Variants in SLC12A3 observed in about 807,000 individuals in gnomAD.
SLC12A3 encodes the protein solute carrier family 12 member 3, also known as Na-Cl cotransporter.
SLC12A3 carries 104 observed loss-of-function variants against 121.0 expected under a neutral mutation model. That is an observed-to-expected ratio of 0.86 (90% CI 0.73 to 1.01). The LOEUF (loss-of-function observed/expected upper bound fraction) is 1.01, where lower values mean the gene tolerates loss of function less well. Among genes scored for constraint, SLC12A3 ranks in the 50% least tolerant of loss-of-function variants. The probability of loss-of-function intolerance (pLI) is 0.00; values close to 1 mark genes in which losing one functional copy is unlikely to be tolerated. For synonymous variants in SLC12A3, 536 were observed against 533.4 expected (o/e 1.00, Z -0.07); for missense variants, 1,328 against 1,356.3 (o/e 0.98, Z 0.33).
chr16:56,895,168 T>A (rs747779868), intron 22 of SLC12A3, among the ~76,000 whole-genome samples: 2 of 149,486 alleles, frequency 1.3e-5, no homozygotes, highest in African/African-American at 2.5e-5. Flanking sequence ...CCTGTCTCTA[T>A]GTTTTAAATT....
chr16:56,866,304 T>C (rs115303345), intron 1 of SLC12A3, among the ~76,000 whole-genome samples: 2,060 of 152,270 alleles, frequency 0.014, 44 homozygotes, highest in African/African-American at 0.046. Flanking sequence ...TTCTTGATTC[T>C]GAGGCTAAGA....
At chr16:56,880,076 G>A in intron 11 of SLC12A3, 54 bp from the exon 12 acceptor site, 1 of 1,593,796 alleles carries the variant, frequency 6.3e-7, no homozygotes, top group South Asian at 1.1e-5. Flanking sequence ...GGCCCCAGGG[G>A]AGGGGAAGTG....
chr16:56,876,446 C>T (rs1280662096), intron 8 of SLC12A3, among the ~76,000 whole-genome samples: 1 of 152,172 alleles, frequency 6.6e-6, no homozygotes, highest in Non-Finnish European at 1.5e-5. Context: ...ACAGGTTTGC[C>T]GGGCAGGGCT....
intron 16 of SLC12A3, among the ~76,000 whole-genome samples, 197 bp from the exon 17 acceptor site, chr16:56,886,756 C>G (rs2055317929): frequency 6.6e-6 from 1 of 152,140 alleles, no homozygotes; most frequent in Non-Finnish European, 1.5e-5. Context: ...GCTGCCCTGC[C>G]TCTTTTCTGC....
intron 20 of SLC12A3, 81 bp downstream of exon 20, chr16:56,892,214 G>A: frequency 1.5e-6 from 2 of 1,343,618 alleles, no homozygotes; most frequent in South Asian, 1.2e-5. Flanking sequence ...GGTGGCTAGG[G>A]GTGGGCCACT....
At chr16:56,913,010 G>T (rs745422791) in intron 25 of SLC12A3, among the ~76,000 whole-genome samples, 86 of 152,328 alleles carry the variant, frequency 5.6e-4, no homozygotes, top group Non-Finnish European at 4.7e-4. Context: ...GGTGGGAGGA[G>T]GTGAGGTCGT....
intron 5 of SLC12A3, 80 bp downstream of exon 5, chr16:56,870,315 C>T: frequency 6.9e-7 from 1 of 1,457,498 alleles, no homozygotes; most frequent in Non-Finnish European, 9.3e-7. Context: ...TGGGCTGGGG[C>T]CTCCTGCTGC....
intron 15 of SLC12A3, 138 bp downstream of exon 15, chr16:56,885,502 C>A: frequency 1.4e-6 from 1 of 701,506 alleles, no homozygotes; most frequent in Non-Finnish European, 2.6e-6. Flanking sequence ...AGGGAACAGA[C>A]ATGGAGGAGC....
intron 1 of SLC12A3, 48 bp downstream of exon 1, chr16:56,865,565 G>T: frequency 1.3e-6 from 2 of 1,586,876 alleles, no homozygotes; most frequent in South Asian, 1.1e-5. Flanking sequence ...GTGTGACCTC[G>T]ACCCAGCTAC....
intron 5 of SLC12A3, 106 bp downstream of exon 5, chr16:56,870,341 C>T: frequency 8.2e-7 from 1 of 1,218,878 alleles, no homozygotes; most frequent in Non-Finnish European, 1.1e-6. Flanking sequence ...CTGACTTCAC[C>T]CATCAGGAAC....
chr16:56,869,597 G>T (rs766978235), intron 3 of SLC12A3, 132 bp from the exon 4 acceptor site: 4 of 766,700 alleles, frequency 5.2e-6, no homozygotes, highest in African/African-American at 1.7e-5. Flanking sequence ...AAGTGACAGA[G>T]ACCCATTTTT....
chr16:56,875,704 G>T (rs1377598214), intron 8 of SLC12A3, among the ~76,000 whole-genome samples: 1 of 151,988 alleles, frequency 6.6e-6, no homozygotes, highest in Non-Finnish European at 1.5e-5. Flanking sequence ...GGGAAACTGA[G>T]GCTCAGGGAT....
At chr16:56,899,490 A>G in intron 22 of SLC12A3, 40 bp from the exon 23 acceptor site, 2 of 1,508,534 alleles carry the variant, frequency 1.3e-6, no homozygotes, top group Non-Finnish European at 9.2e-7. Context: ...CGCTGTCTCA[A>G]GAAAAAGTAA....
At chr16:56,879,778 A>T (rs1326464680) in intron 11 of SLC12A3, 129 bp downstream of exon 11, 2 of 724,382 alleles carry the variant, frequency 2.8e-6, no homozygotes, top group African/African-American at 3.5e-5. Context: ...TCTAGCCAGA[A>T]GGGAAAAGGA....
At chr16:56,909,767 G>A (rs77524692) in intron 25 of SLC12A3, among the ~76,000 whole-genome samples, 9,843 of 151,852 alleles carry the variant, frequency 0.065, 1,009 homozygotes, top group African/African-American at 0.22. Flanking sequence ...CCAGGCTCTA[G>A]GGTGGAGCCC....
chr16:56,880,099 C>T lies in SLC12A3; in HGVS notation c.1444-31C>T, dbSNP rs181454960. 10,733 of 1,598,166 alleles carry T rather than the reference C, an allele frequency of 6.7e-3. 61 individuals are homozygous for T. Among genetic ancestry groups the T allele is most frequent in the Middle Eastern group, 0.01 (61 of 6,016 alleles). ...GGGAGGGGAAGTGGCAGGTCCCAGC[C>T]TAAGGGTGAGTGCGGCATCTGGTGC... On this transcript the variant is annotated intron_variant, in intron 11 of 25. Coordinates refer to ENST00000563236, the MANE Select transcript of SLC12A3 (RefSeq NM_001126108.2).
At chr16:56,873,448 A>G (rs1351676599) in intron 8 of SLC12A3, among the ~76,000 whole-genome samples, 4 of 121,010 alleles carry the variant, frequency 3.3e-5, no homozygotes, top group Non-Finnish European at 6.3e-5. Context: ...GTGCAATGGC[A>G]TGATCTTGGC....
chr16:56,868,997 A>G (rs1664488200), intron 3 of SLC12A3, among the ~76,000 whole-genome samples: 2 of 151,890 alleles, frequency 1.3e-5, no homozygotes, highest in Non-Finnish European at 2.9e-5. Flanking sequence ...AATAAAAAAG[A>G]AAGCTGCATT....
rs751690454 is a variant in SLC12A3 at position 56,869,819 on chromosome 16, A to G, written c.596A>G (p.Lys199Arg). ...ISAISTNGKV[K>R]SGGTYFLISR... Reference sequence around the variant, plus strand: ...GCCATCTCCACCAATGGCAAGGTCAAGTCAGGTGGGCCATCCCCCTTTCCA... The same window carrying G: ...GCCATCTCCACCAATGGCAAGGTCAGGTCAGGTGGGCCATCCCCCTTTCCA... The change falls in exon 4 of 26, where the codon AAG (lysine) becomes AGG (arginine). Residue 199 changes from lysine (K) to arginine (R), a missense_variant. Transcript: ENST00000563236. 1 of 1,613,862 alleles carries G rather than the reference A, an allele frequency of 6.2e-7. No individual in the cohort carries two copies. Among genetic ancestry groups the G allele is most frequent in the Non-Finnish European group, 8.5e-7 (1 of 1,179,770 alleles).
Sources: gnomAD v4.1 joint callset for allele counts (sites outside exome capture counted in the v4.1 genomes callset) on GRCh38, gnomAD v4.1.1 for gene constraint, MANE v1.5 for transcripts, NCBI Gene and HGNC (gene_info 2026-07-23, HGNC 2026-07-21) for gene names.